The following COL12A1 variants were observed in gnomAD, a reference collection of about 807,000 sequenced individuals.
COL12A1 encodes the protein collagen type XII alpha 1 chain, also known as collagen alpha-1(XII) chain.
Under a neutral mutation model 349.7 loss-of-function variants are expected in COL12A1, and 114 were observed. The observed-to-expected ratio is 0.33, with a 90% CI of 0.28 to 0.38. The LOEUF (loss-of-function observed/expected upper bound fraction) is 0.38, where lower values mean the gene tolerates loss of function less well. Among genes scored for constraint, COL12A1 ranks in the 10% least tolerant of loss-of-function variants. COL12A1 has a pLI of 1.00. For synonymous variants in COL12A1, 1,369 were observed against 1,329.0 expected (o/e 1.03, Z -0.66); for missense variants, 3,284 against 3,756.9 (o/e 0.87, Z 3.29).
intron 31 of COL12A1, among the ~76,000 whole-genome samples, chr6:75,136,095 C>G (rs1766593202): frequency 6.6e-6 from 1 of 152,074 alleles, no homozygotes; most frequent in South Asian, 2.1e-4. Flanking sequence ...AGCTGAAAGA[C>G]AGTAAAAGAG....
At chr6:75,133,214 C>A in intron 34 of COL12A1, 79 bp downstream of exon 34, 1 of 1,278,918 alleles carries the variant, frequency 7.8e-7, no homozygotes, top group African/African-American at 1.5e-5. Flanking sequence ...TCCTAATTCT[C>A]TTTAATGGGC....
In COL12A1 at chr6:75,109,157, A is replaced by G. The variant is rs1290185633; in HGVS notation, c.7961T>C (p.Val2654Ala). The G allele has an allele frequency of 6.4e-7, 1 of 1,569,968 alleles. No individual in the cohort carries two copies. Among genetic ancestry groups the G allele is most frequent in the Non-Finnish European group, 8.6e-7 (1 of 1,157,852 alleles). The change falls in exon 52 of 66, where the codon GTA becomes GCA. Residue 2654 changes from valine (V) to alanine (A), a missense_variant. Around this residue, in one of 2 missense-constraint regions of COL12A1, gnomAD observed 683 missense variants for 932.1 expected, o/e 0.73. Transcript: ENST00000322507. ...FYGSFHKVHI[V>A]VTSKSVKIYI... ...AATCTTAACACTTTTTGAGGTCACTACAATATGAACCTAAAAAGATAATTT... is the reference window on the plus strand; with the variant it reads ...AATCTTAACACTTTTTGAGGTCACTGCAATATGAACCTAAAAAGATAATTT...
intron 65 of COL12A1, 118 bp from the exon 66 acceptor site, chr6:75,086,675 C>G: frequency 2.8e-6 from 1 of 352,546 alleles, no homozygotes; most frequent in Non-Finnish European, 4.3e-6. Context: ...TATATATATC[C>G]ATATATTTTT....
intron 46 of COL12A1, among the ~76,000 whole-genome samples, chr6:75,118,685 C>T (rs1468823590): frequency 6.6e-6 from 1 of 152,202 alleles, no homozygotes; most frequent in African/African-American, 2.4e-5. Context: ...CTAAAGGCTT[C>T]CTTTTTTCTC....
intron 31 of COL12A1, among the ~76,000 whole-genome samples, chr6:75,137,009 C>T (rs1766642704): frequency 6.6e-6 from 1 of 151,564 alleles, no homozygotes; most frequent in Non-Finnish European, 1.5e-5. Context: ...CTATGACATG[C>T]AAAAAACAGG....
At chr6:75,105,042 T>A (rs1768479891) in intron 54 of COL12A1, among the ~76,000 whole-genome samples, 164 bp downstream of exon 54, 1 of 152,344 alleles carries the variant, frequency 6.6e-6, no homozygotes, top group South Asian at 2.1e-4. Context: ...ATTTACTCCA[T>A]TTCAGATGTC....
At chr6:75,088,241 G>GA (rs1767596406) in intron 64 of COL12A1, among the ~76,000 whole-genome samples, 1 of 152,000 alleles carries the variant, frequency 6.6e-6, no homozygotes, top group Non-Finnish European at 1.5e-5. Context: ...GCCTTATAAT[G>GA]AAAAAAGAAA....
intron 37 of COL12A1, among the ~76,000 whole-genome samples, 154 bp from the exon 38 acceptor site, chr6:75,128,579 C>A (rs955956443): frequency 2.6e-5 from 4 of 152,166 alleles, no homozygotes; most frequent in African/African-American, 9.7e-5. Context: ...AAACTATCTT[C>A]ACTTCTTCTC....
In COL12A1 at chr6:75,154,452, G is replaced by T. The variant is rs1442743261; in HGVS notation, c.3529C>A (p.Leu1177Ile). 6 of 1,612,524 alleles carry T rather than the reference G, an allele frequency of 3.7e-6. No homozygotes were observed. The highest frequency in any genetic ancestry group is 1.3e-5 in the African/African-American group (1 of 74,846). Reference sequence around the variant, plus strand: ...ATTGGCATAACAGTTGTGTCGGAAAGGGTTGTCATTTCTTGTCCAACAAGT... The same window carrying T: ...ATTGGCATAACAGTTGTGTCGGAAATGGTTGTCATTTCTTGTCCAACAAGT... ...SPLVGQEMTT[L>I]SDTTVMPILS... The change falls in exon 17 of 66, where the codon CTT (leucine) becomes ATT (isoleucine). Residue 1177 changes from leucine to isoleucine, a missense_variant. By Grantham distance (5) the Leu-to-Ile change is conservative (BLOSUM62 2). This residue lies in a region of COL12A1 where 2,601 missense variants were observed against 2,824.8 expected (regional missense o/e 0.92). Transcript: ENST00000322507.
At chr6:75,192,112 T>C in intron 4 of COL12A1, 100 bp downstream of exon 4, 2 of 948,308 alleles carry the variant, frequency 2.1e-6, no homozygotes, top group Non-Finnish European at 3.0e-6. Context: ...TTAGTACTGC[T>C]GTAAATTAAC....
intron 44 of COL12A1, among the ~76,000 whole-genome samples, chr6:75,120,062 A>G (rs945048985): frequency 6.6e-6 from 1 of 152,180 alleles, no homozygotes; most frequent in African/African-American, 2.4e-5. Context: ...GAGGATAACT[A>G]TACTTACCTT....
At position 75,156,441 on chromosome 6, in the gene COL12A1, T is replaced by C. The variant is rs766696276; in HGVS notation, c.3066A>G (p.Lys1022=). ...GATAGACAACACGGTAGTTGACGACTTTCCCTGGTGCTGGTTTCCATGTAA... is the reference window on the plus strand; with the variant it reads ...GATAGACAACACGGTAGTTGACGACCTTCCCTGGTGCTGGTTTCCATGTAA... The part of the protein sequence containing the change: ...MRVTWKPAPG[K]VVNYRVVYRP... Residue 1022 remains lysine, a synonymous_variant, in exon 15 of 66, where the codon AAA becomes AAG. Transcript: ENST00000322507. 4 of 1,613,868 alleles carry C rather than the reference T, an allele frequency of 2.5e-6. No homozygotes were observed. The African/African-American group carries it at 4.0e-5, about 16-fold the overall frequency.
At chr6:75,125,682 A>G (rs979910733) in intron 39 of COL12A1, among the ~76,000 whole-genome samples, 3 of 152,090 alleles carry the variant, frequency 2.0e-5, no homozygotes, top group Non-Finnish European at 4.4e-5. Flanking sequence ...TTTGGCTGCT[A>G]AACTCCTTAG....
intron 44 of COL12A1, among the ~76,000 whole-genome samples, chr6:75,120,853 C>T (rs371243174): frequency 1.3e-5 from 2 of 152,272 alleles, no homozygotes; most frequent in East Asian, 1.9e-4. Context: ...AACAATGGAC[C>T]TTCTTCTGGT....
intron 1 of COL12A1, among the ~76,000 whole-genome samples, chr6:75,204,344 C>G (rs1770669532): frequency 6.6e-6 from 1 of 152,038 alleles, no homozygotes; most frequent in Admixed American, 6.5e-5. Flanking sequence ...AAGCTGTGCG[C>G]AGATTTTTTT....
chr6:75,187,102 A>G (rs1047880766), intron 8 of COL12A1, among the ~76,000 whole-genome samples: 1 of 151,836 alleles, frequency 6.6e-6, no homozygotes, highest in Admixed American at 6.6e-5. Context: ...AAACCTGTAC[A>G]TGTACCCCTG....
chr6:75,087,786 C>A, intron 64 of COL12A1, 39 bp from the exon 65 acceptor site: 2 of 1,593,104 alleles, frequency 1.3e-6, no homozygotes, highest in South Asian at 1.1e-5. Flanking sequence ...CCCCTCTTGT[C>A]AAATACAACT....
chr6:75,191,511 G>A (rs529862001), intron 5 of COL12A1, among the ~76,000 whole-genome samples, 190 bp downstream of exon 5: 3 of 152,074 alleles, frequency 2.0e-5, no homozygotes, highest in South Asian at 2.1e-4. Flanking sequence ...AAACTAGCTA[G>A]AATGTCAGAA....
At chr6:75,170,862 T>C (rs1267649921) in intron 13 of COL12A1, among the ~76,000 whole-genome samples, 1 of 152,198 alleles carries the variant, frequency 6.6e-6, no homozygotes. Context: ...TAACAAAATG[T>C]CAACTGAATA....
Sources: gnomAD v4.1 joint callset for allele counts (sites outside exome capture counted in the v4.1 genomes callset) on GRCh38, gnomAD v4.1.1 for gene constraint, gnomAD v4.1.1 regional missense constraint, MANE v1.5 for transcripts, NCBI Gene and HGNC (gene_info 2026-07-23, HGNC 2026-07-21) for gene names.